Variants in NCOA2 observed in about 807,000 individuals in gnomAD.
NCOA2 encodes the protein class E basic helix-loop-helix protein 75.
In NCOA2, 21 loss-of-function variants were observed where a neutral mutation model predicts 145.1. The observed-to-expected ratio is 0.14, with a 90% CI of 0.10 to 0.21. The LOEUF (loss-of-function observed/expected upper bound fraction) is 0.21, where lower values mean the gene tolerates loss of function less well. Among genes scored for constraint, NCOA2 ranks in the 10% least tolerant of loss-of-function variants. The pLI is 1.00. For missense variants in NCOA2, 1,472 were observed against 1,837.6 expected, an observed-to-expected ratio of 0.80 and a Z score of 3.64; for synonymous variants, 619 against 637.5, an observed-to-expected ratio of 0.97 and a Z score of 0.44.
At chr8:70,205,548 GTGA>G (rs1288829498) in intron 4 of NCOA2, among the ~76,000 whole-genome samples, 1 of 152,036 alleles carries the variant, frequency 6.6e-6, no homozygotes, top group Non-Finnish European at 1.5e-5. Flanking sequence ...CAGAATAGCT[GTGA>G]TACTCCATCA....
intron 1 of NCOA2, among the ~76,000 whole-genome samples, chr8:70,349,248 T>G (rs1029079945): frequency 3.3e-5 from 5 of 151,850 alleles, no homozygotes; most frequent in African/African-American, 1.2e-4. Flanking sequence ...AAAAATGACA[T>G]CATTACACCC....
intron 1 of NCOA2, among the ~76,000 whole-genome samples, chr8:70,342,090 T>C (rs754807793): frequency 4.6e-5 from 7 of 152,206 alleles, no homozygotes; most frequent in Non-Finnish European, 8.8e-5. Context: ...CTCGATAATA[T>C]ACCTAATACT....
upstream of NCOA2, among the ~76,000 whole-genome samples, chr8:70,407,042 C>T (rs952356836): frequency 6.6e-6 from 1 of 152,166 alleles, no homozygotes; most frequent in African/African-American, 2.4e-5. Flanking sequence ...CTATCAAGCT[C>T]TTTATACAGA....
rs764635728 is a variant in NCOA2, at chr8:70,318,103, AAGTT to A, written c.-76-21307_-76-21304del. Among the ~76,000 whole-genome samples the A allele has an allele frequency of 2.6e-5, 4 of 152,160 alleles. No homozygotes were observed. The South Asian group carries it at 6.2e-4, about 24-fold the overall frequency. On this transcript the variant is annotated intron_variant, in intron 1 of 22. Transcript: ENST00000452400. ...AAGGAACATTGGGAAAGTCTTATAA[AAGTT>A]AGGCCCTCAGGTCAAGCCGGTTTGC... is the stretch of plus-strand genomic sequence containing the variant.
chr8:70,251,932 C>T (rs1823217488), intron 2 of NCOA2, among the ~76,000 whole-genome samples: 1 of 152,152 alleles, frequency 6.6e-6, no homozygotes, highest in Non-Finnish European at 1.5e-5. Context: ...TCCAGGACCT[C>T]CCATGGATAC....
At chr8:70,281,253 C>A (rs1420647230) in intron 2 of NCOA2, among the ~76,000 whole-genome samples, 4 of 146,274 alleles carry the variant, frequency 2.7e-5, no homozygotes, top group East Asian at 4.1e-4. Flanking sequence ...ATTTGGGAGG[C>A]TGAGGCAGGA....
chr8:70,121,897 T>C (rs1807861532), intron 21 of NCOA2, among the ~76,000 whole-genome samples: 1 of 152,242 alleles, frequency 6.6e-6, no homozygotes, highest in Non-Finnish European at 1.5e-5. Context: ...CTTTACACAT[T>C]AGAAAGTAAA....
rs1178904391 is a variant in NCOA2 at position 70,156,129 on chromosome 8, G to A, written c.2236C>T (p.Arg746Cys). Residue 746 changes from arginine to cysteine, a missense_variant, in exon 11 of 23, where the codon CGC (arginine) becomes TGC (cysteine). Physicochemically the swap from Arg to Cys is radical, Grantham distance 180 (BLOSUM62 -3). This residue lies in a region of NCOA2 where 953 missense variants were observed against 1,062.1 expected (regional missense o/e 0.90). Transcript: ENST00000452400. ...SPKKKENALL[R>C]YLLDKDDTKD... Reference sequence around the variant, plus strand: ...GTATCATCTTTATCTAGCAAATAGCGAAGTAGTGCATTCTCTTTCTTCTTG... The same window carrying A: ...GTATCATCTTTATCTAGCAAATAGCAAAGTAGTGCATTCTCTTTCTTCTTG... The A allele has an allele frequency of 1.2e-6, 2 of 1,613,894 alleles. No individual in the cohort carries two copies. The highest frequency in any genetic ancestry group is 2.2e-5 in the East Asian group (1 of 44,876).
chr8:70,332,704 A>G (rs1403358473), intron 1 of NCOA2, among the ~76,000 whole-genome samples: 1 of 152,178 alleles, frequency 6.6e-6, no homozygotes, highest in Non-Finnish European at 1.5e-5. Context: ...TCCATTTTAA[A>G]TAATTCACAA....
At chr8:70,233,198 C>G (rs1460618358) in intron 2 of NCOA2, among the ~76,000 whole-genome samples, 1 of 151,826 alleles carries the variant, frequency 6.6e-6, no homozygotes, top group Non-Finnish European at 1.5e-5. Context: ...TACACTCCAG[C>G]CTGGGTGACA....
In NCOA2 at chr8:70,316,050, C is replaced by G. The variant is rs181492919; in HGVS notation, c.-76-19250G>C. Among the ~76,000 whole-genome samples the G allele has an allele frequency of 1.8e-3, 277 of 152,294 alleles. 1 individual carries two copies. Among genetic ancestry groups the G allele is most frequent in the Non-Finnish European group, 3.3e-3 (227 of 68,026 alleles). Reference sequence around the variant, plus strand: ...GCCTCTTCCATTAATGATGAAACAGCTGAAGTACTGCAGTACATGCTTTCT... The same window carrying G: ...GCCTCTTCCATTAATGATGAAACAGGTGAAGTACTGCAGTACATGCTTTCT... On this transcript the variant is annotated intron_variant, in intron 1 of 22. Transcript: ENST00000452400.
At chr8:70,452,534 C>T in the NCOA2 span, among the ~76,000 whole-genome samples, 15 of 152,058 alleles carry the variant, frequency 9.9e-5, no homozygotes, top group African/African-American at 3.1e-4. Context: ...TCTGTGGTTT[C>T]GAGGGCCTGG....
chr8:70,279,095 A>G (rs1334598997), intron 2 of NCOA2, among the ~76,000 whole-genome samples: 3 of 152,098 alleles, frequency 2.0e-5, no homozygotes, highest in Admixed American at 6.5e-5. Context: ...TCGCCTTACC[A>G]ATCTCCATAA....
intron 22 of NCOA2, among the ~76,000 whole-genome samples, chr8:70,119,252 T>C (rs1035433569): frequency 1.6e-4 from 24 of 152,306 alleles, no homozygotes; most frequent in African/African-American, 5.5e-4. Context: ...ATTTTTCCAC[T>C]CTCTACTTCC....
intron 2 of NCOA2, among the ~76,000 whole-genome samples, chr8:70,238,851 C>A (rs1563666225): frequency 6.6e-6 from 1 of 152,146 alleles, no homozygotes; most frequent in African/African-American, 2.4e-5. Context: ...CAAAATTATA[C>A]AGAACTTAGG....
At chr8:70,348,326 G>C (rs1808864040) in intron 1 of NCOA2, among the ~76,000 whole-genome samples, 1 of 152,148 alleles carries the variant, frequency 6.6e-6, no homozygotes, top group African/African-American at 2.4e-5. Flanking sequence ...GTGCCAGTAA[G>C]GTAGTAAGGG....
chr8:70,219,410 T>C (rs1464709838), intron 2 of NCOA2, among the ~76,000 whole-genome samples: 3 of 152,208 alleles, frequency 2.0e-5, no homozygotes, highest in Non-Finnish European at 4.4e-5. Context: ...CTACTGCACA[T>C]GTCCTCTTCT....
In NCOA2 at chr8:70,295,554, T is replaced by C. The variant is rs969890607; in HGVS notation, c.-20+1190A>G. 3.3e-4 allele frequency among the ~76,000 whole-genome samples: 50 copies of C among 152,346 alleles called. 1 individual carries two copies. Among genetic ancestry groups the C allele is most frequent in the Admixed American group, 2.7e-3 (42 of 15,300 alleles). On this transcript the variant is annotated intron_variant, in intron 2 of 22. Transcript: ENST00000452400. ...TAATTCTACCCTGATTAAGCATATT[T>C]GGATACACAAAATATCTAATACAAC...
chr8:70,328,658 C>T (rs758775715), intron 1 of NCOA2, among the ~76,000 whole-genome samples: 121 of 152,258 alleles, frequency 7.9e-4, no homozygotes, highest in Non-Finnish European at 1.3e-3. Flanking sequence ...ACCATGTACA[C>T]ACCTATTCAT....
Sources: gnomAD v4.1 joint callset for allele counts (sites outside exome capture counted in the v4.1 genomes callset) on GRCh38, gnomAD v4.1.1 for gene constraint, gnomAD v4.1.1 regional missense constraint, MANE v1.5 for transcripts, NCBI Gene and HGNC (gene_info 2026-07-23, HGNC 2026-07-21) for gene names.